The following PBX3 variants were observed in gnomAD, a reference collection of about 807,000 sequenced individuals.
PBX3 encodes the protein PBX homeobox 3.
A neutral mutation model predicts 48.5 loss-of-function variants in PBX3; 14 were observed. That is an observed-to-expected ratio of 0.29 (90% CI 0.19 to 0.45). The LOEUF (loss-of-function observed/expected upper bound fraction) is 0.45, where lower values mean the gene tolerates loss of function less well. PBX3 is among the 20% of genes least tolerant of loss of function. PBX3 has a pLI of 1.00. For synonymous variants in PBX3, 210 were observed against 200.3 expected, an observed-to-expected ratio of 1.05 and a Z score of -0.41; for missense variants, 386 against 546.7, an observed-to-expected ratio of 0.71 and a Z score of 2.93.
intron 2 of PBX3, among the ~76,000 whole-genome samples, chr9:125,850,514 T>C (rs1323851151): frequency 2.6e-5 from 4 of 152,202 alleles, no homozygotes; most frequent in Middle Eastern, 3.4e-3. Context: ...GTTTCCTACA[T>C]ATTATTTAAA....
chr9:125,786,812 C>T (rs1327138559), intron 2 of PBX3, among the ~76,000 whole-genome samples: 1 of 151,686 alleles, frequency 6.6e-6, no homozygotes, highest in Non-Finnish European at 1.5e-5. Context: ...GCAACCTCTG[C>T]CTCCTGGGTT....
At chr9:125,949,497 C>A in intron 5 of PBX3, 1 of 1,549,836 alleles carries the variant, frequency 6.5e-7, no homozygotes, top group South Asian at 1.2e-5. Context: ...GAGGGTGTGT[C>A]TGTTCTTAGT....
intron 5 of PBX3, among the ~76,000 whole-genome samples, chr9:125,942,628 A>G (rs1841980050): frequency 1.3e-5 from 2 of 152,242 alleles, no homozygotes; most frequent in Non-Finnish European, 1.5e-5. Flanking sequence ...GACAGAAGGC[A>G]GAAGTAGATT....
intron 2 of PBX3, among the ~76,000 whole-genome samples, chr9:125,781,518 G>C (rs1411208876): frequency 2.0e-5 from 3 of 148,262 alleles, no homozygotes; most frequent in African/African-American, 7.5e-5. Context: ...TGGAAAGAGA[G>C]GGAGAGGGTG....
chr9:125,946,777 T>C lies in PBX3; in HGVS notation c.843+11170T>C, dbSNP rs573708018. Among the ~76,000 whole-genome samples the C allele has an allele frequency of 9.2e-5, 14 of 152,212 alleles. No individual in the cohort carries two copies. The South Asian group carries it at 1.0e-3, about 11-fold the overall frequency. ...TGTGATTGAGCCCCAGAAGCAAATG[T>C]GAGAATGGGTCAGAAGCAGTATTTT... is the stretch of plus-strand genomic sequence containing the variant. On this transcript the variant is annotated intron_variant, in intron 5 of 8. Coordinates refer to ENST00000373489, the MANE Select transcript of PBX3 (RefSeq NM_006195.6).
Position 125,791,298 on chromosome 9 carries a change from T to C in PBX3, c.274+42675T>C, listed in dbSNP as rs529363897. Among the ~76,000 whole-genome samples the C allele has an allele frequency of 5.4e-5, 6 of 112,022 alleles. No homozygotes were observed. In the South Asian group the frequency reaches 1.9e-3, roughly 36 times the overall value. 73.5% of individuals were successfully genotyped at this position (112,022 alleles called of 152,430 possible). Reference sequence around the variant, plus strand: ...ACATTTTTATCTGTCTGTCTGTCTGTCTGTCTATCTATCTATCTATCTATC... The same window carrying C: ...ACATTTTTATCTGTCTGTCTGTCTGCCTGTCTATCTATCTATCTATCTATC... On this transcript the variant is annotated intron_variant, in intron 2 of 8. Transcript: ENST00000373489.
chr9:125,768,764 T>G (rs1836864995), intron 2 of PBX3, among the ~76,000 whole-genome samples: 1 of 152,196 alleles, frequency 6.6e-6, no homozygotes, highest in Non-Finnish European at 1.5e-5. Context: ...ACCACCAAAC[T>G]TATCAGGACA....
At chr9:125,810,340 ATAT>A (rs1299307988) in intron 2 of PBX3, among the ~76,000 whole-genome samples, 2 of 151,610 alleles carry the variant, frequency 1.3e-5, no homozygotes, top group African/African-American at 4.9e-5. Context: ...TTATGTTGTA[ATAT>A]TAACCTTCTG....
intron 2 of PBX3, among the ~76,000 whole-genome samples, chr9:125,890,714 G>T (rs560045308): frequency 1.1e-4 from 16 of 152,290 alleles, no homozygotes; most frequent in African/African-American, 3.8e-4. Flanking sequence ...ACAATGTAGT[G>T]TATGCATCTA....
At chr9:125,876,009 T>G (rs576334789) in intron 2 of PBX3, among the ~76,000 whole-genome samples, 1 of 152,324 alleles carries the variant, frequency 6.6e-6, no homozygotes, top group East Asian at 1.9e-4. Flanking sequence ...CTGGTCTACT[T>G]TCTTTCCTTA....
At chr9:125,874,583 A>G (rs1757015020) in intron 2 of PBX3, among the ~76,000 whole-genome samples, 1 of 152,174 alleles carries the variant, frequency 6.6e-6, no homozygotes, top group African/African-American at 2.4e-5. Context: ...CTAATTGACA[A>G]TTTAACTCTA....
chr9:125,832,371 A>G (rs1420419519), intron 2 of PBX3, among the ~76,000 whole-genome samples: 1 of 151,866 alleles, frequency 6.6e-6, no homozygotes, highest in Non-Finnish European at 1.5e-5. Context: ...AATTTTTTGA[A>G]CTTTTAGTAG....
chr9:125,856,572 T>C (rs1839729635), intron 2 of PBX3, among the ~76,000 whole-genome samples: 1 of 152,152 alleles, frequency 6.6e-6, no homozygotes. Flanking sequence ...TTTGCTTGGA[T>C]TGACAACTGC....
At chr9:125,952,192 A>G (rs1842208995) in intron 5 of PBX3, among the ~76,000 whole-genome samples, 1 of 152,234 alleles carries the variant, frequency 6.6e-6, no homozygotes, top group Non-Finnish European at 1.5e-5. Flanking sequence ...ACATGGGGAA[A>G]CACAATGGAA....
intron 2 of PBX3, among the ~76,000 whole-genome samples, chr9:125,904,957 G>C (rs1841036164): frequency 6.6e-6 from 1 of 151,854 alleles, no homozygotes; most frequent in African/African-American, 2.4e-5. Flanking sequence ...AATCAAAGTT[G>C]ACATTTCCAT....
At chr9:125,748,504 C>T in intron 1 of PBX3, 46 bp from the exon 2 acceptor site, 4 of 1,599,532 alleles carry the variant, frequency 2.5e-6, no homozygotes, top group Non-Finnish European at 3.4e-6. Flanking sequence ...CCATATTATT[C>T]CATAGGTGAT....
At chr9:125,959,832 T>A (rs1483995764) in intron 5 of PBX3, among the ~76,000 whole-genome samples, 1 of 152,250 alleles carries the variant, frequency 6.6e-6, no homozygotes, top group African/African-American at 2.4e-5. Flanking sequence ...TATACTTTCT[T>A]ATAAATTGCC....
At chr9:125,818,436 T>C (rs899100374) in intron 2 of PBX3, among the ~76,000 whole-genome samples, 1 of 151,508 alleles carries the variant, frequency 6.6e-6, no homozygotes, top group South Asian at 2.1e-4. Context: ...CTGGGTTCAA[T>C]TGATTCTCCT....
At chr9:125,952,972 TTGAG>T (rs1381543076) in intron 5 of PBX3, among the ~76,000 whole-genome samples, 3 of 152,064 alleles carry the variant, frequency 2.0e-5, no homozygotes, top group Non-Finnish European at 4.4e-5. Flanking sequence ...ATGTCAGTGT[TTGAG>T]TATTTTTACC....
Sources: gnomAD v4.1 joint callset for allele counts (sites outside exome capture counted in the v4.1 genomes callset) on GRCh38, gnomAD v4.1.1 for gene constraint, MANE v1.5 for transcripts, NCBI Gene and HGNC (gene_info 2026-07-23, HGNC 2026-07-21) for gene names.